MECOM: variants seen among roughly 807,000 people sequenced by gnomAD.
The protein encoded by MECOM is MDS1 and EVI1 complex locus.
A neutral mutation model predicts 116.3 loss-of-function variants in MECOM; 13 were observed. The ratio of observed to expected loss-of-function variants is 0.11; its 90% confidence interval spans 0.07 to 0.18. The LOEUF (loss-of-function observed/expected upper bound fraction) is 0.18, where lower values mean the gene tolerates loss of function less well. Ranked by LOEUF, MECOM falls within the 10% of genes least tolerant of loss-of-function variation. The probability of loss-of-function intolerance (pLI) is 1.00; values close to 1 mark genes in which losing one functional copy is unlikely to be tolerated. For missense variants in MECOM, 1,299 were observed against 1,509.0 expected, an observed-to-expected ratio of 0.86 and a Z score of 2.31; for synonymous variants, 528 against 535.2, an observed-to-expected ratio of 0.99 and a Z score of 0.19.
chr3:169,405,245 C>T (rs1479226312), intron 1 of MECOM, among the ~76,000 whole-genome samples: 1 of 152,050 alleles, frequency 6.6e-6, no homozygotes, highest in Admixed American at 6.6e-5. Flanking sequence ...TTCCCTCCCT[C>T]CTTCTCTCTC....
At chr3:169,103,251 A>G (rs554861496) in intron 10 of MECOM, among the ~76,000 whole-genome samples, 1 of 151,932 alleles carries the variant, frequency 6.6e-6, no homozygotes, top group African/African-American at 2.4e-5. Flanking sequence ...TTATAGGCAT[A>G]AGCTACTGTG....
At chr3:169,107,806 C>CCATA (rs1725921634) in intron 10 of MECOM, 120 bp downstream of exon 10, 1 of 751,044 alleles carries the variant, frequency 1.3e-6, no homozygotes, top group East Asian at 2.7e-5. Flanking sequence ...TCTGCTGGAA[C>CCATA]CATATCACGT....
intron 2 of MECOM, among the ~76,000 whole-genome samples, chr3:169,305,105 TA>T (rs1717424921): frequency 6.6e-6 from 1 of 152,204 alleles, no homozygotes; most frequent in African/African-American, 2.4e-5. Flanking sequence ...CAATAAATAT[TA>T]ATAGAATTAG....
chr3:169,588,680 C>A (rs1171347583), intron 1 of MECOM, among the ~76,000 whole-genome samples: 1 of 151,956 alleles, frequency 6.6e-6, no homozygotes, highest in Non-Finnish European at 1.5e-5. Flanking sequence ...CTTCTTTTCC[C>A]GTGTTTTAAT....
chr3:169,475,362 GTTTT>G (rs1750187355), intron 1 of MECOM, among the ~76,000 whole-genome samples: 1 of 152,054 alleles, frequency 6.6e-6, no homozygotes, highest in Non-Finnish European at 1.5e-5. Flanking sequence ...CGGTTGAAGT[GTTTT>G]TTTAAGTTAT....
At chr3:169,430,467 C>T (rs1741433238) in intron 1 of MECOM, among the ~76,000 whole-genome samples, 1 of 151,790 alleles carries the variant, frequency 6.6e-6, no homozygotes, top group Non-Finnish European at 1.5e-5. Flanking sequence ...ATTTTTTAGG[C>T]CCTTGGAAAA....
chr3:169,309,231 CA>C (rs776870042), intron 2 of MECOM, among the ~76,000 whole-genome samples: 1 of 151,918 alleles, frequency 6.6e-6, no homozygotes, highest in Non-Finnish European at 1.5e-5. Context: ...ATTCTTTTGA[CA>C]AAAAAACCTA....
At chr3:169,140,980 A>G (rs1737929242) in intron 3 of MECOM, among the ~76,000 whole-genome samples, 1 of 152,116 alleles carries the variant, frequency 6.6e-6, no homozygotes, top group Non-Finnish European at 1.5e-5. Flanking sequence ...TTATAATCTT[A>G]GCAAGCACAT....
chr3:169,474,704 A>G (rs912016986), intron 1 of MECOM, among the ~76,000 whole-genome samples: 3 of 152,182 alleles, frequency 2.0e-5, no homozygotes, highest in Admixed American at 1.3e-4. Flanking sequence ...TGGAAGATAC[A>G]AAAACTCTGA....
intron 10 of MECOM, among the ~76,000 whole-genome samples, chr3:169,104,051 A>G (rs1315258395): frequency 2.6e-5 from 4 of 152,212 alleles, no homozygotes; most frequent in South Asian, 4.1e-4. Flanking sequence ...TCAGACGACA[A>G]ATGTGAACGC....
chr3:169,542,371 C>T (rs893766184), intron 1 of MECOM, among the ~76,000 whole-genome samples: 2 of 151,980 alleles, frequency 1.3e-5, no homozygotes, highest in African/African-American at 2.4e-5. Context: ...CGACTCCCCC[C>T]TCCGCCTATG....
chr3:169,413,478 G>T (rs1210247184), intron 1 of MECOM, among the ~76,000 whole-genome samples: 26 of 97,112 alleles, frequency 2.7e-4, no homozygotes, highest in East Asian at 2.1e-3. Context: ...TTTTTTTTTT[G>T]TTTTTTTTTT....
intron 2 of MECOM, among the ~76,000 whole-genome samples, chr3:169,264,640 A>G (rs2149627845): frequency 6.6e-6 from 1 of 152,324 alleles, no homozygotes; most frequent in African/African-American, 2.4e-5. Flanking sequence ...TACCTAGGAA[A>G]TAAATAATCA....
chr3:169,097,499 C>G (rs1721998223), intron 12 of MECOM, among the ~76,000 whole-genome samples: 1 of 152,022 alleles, frequency 6.6e-6, no homozygotes, highest in Non-Finnish European at 1.5e-5. Flanking sequence ...GTCAGACGAG[C>G]CTTTGAGATC....
chr3:169,548,075 T>G lies in MECOM; in HGVS notation c.37+115261A>C, dbSNP rs554478624. On this transcript the variant is annotated intron_variant, in intron 1 of 16. Coordinates refer to ENST00000651503, the MANE Select transcript of MECOM (RefSeq NM_004991.4). ...CCCAATTTCATTATCTTTTCCCCTT[T>G]CAGAAAAAATAAAATATATCGCTTA... is the stretch of plus-strand genomic sequence containing the variant. Among the ~76,000 whole-genome samples, 6 of 152,200 alleles carry G rather than the reference T, an allele frequency of 3.9e-5. 1 individual carries two copies. Among genetic ancestry groups the G allele is most frequent in the Middle Eastern group, 3.4e-3 (1 of 292 alleles).
intron 1 of MECOM, among the ~76,000 whole-genome samples, chr3:169,636,661 TA>T (rs1357808269): frequency 1.3e-4 from 20 of 152,200 alleles, no homozygotes; most frequent in African/African-American, 4.8e-4. Context: ...AGTTGACCAT[TA>T]TATCAGGTGA....
chr3:169,249,048 A>G (rs1755933932), intron 2 of MECOM, among the ~76,000 whole-genome samples: 1 of 152,182 alleles, frequency 6.6e-6, no homozygotes, highest in African/African-American at 2.4e-5. Context: ...CCTACCTTCC[A>G]GCATACTCTA....
rs530130480 is a variant in MECOM, at chr3:169,245,566, C to A, written c.376-101734G>T. Among the ~76,000 whole-genome samples the A allele has an allele frequency of 2.6e-5, 4 of 152,142 alleles. No individual in the cohort carries two copies. The East Asian group carries it at 7.7e-4, about 29-fold the overall frequency. On this transcript the variant is annotated intron_variant, in intron 2 of 16. Coordinates refer to ENST00000651503, the MANE Select transcript of MECOM (RefSeq NM_004991.4). ...GAACTAATAATTTTTTTAAAAAATT[C>A]ATCAGATTCAAACAATTTCTACAAC...
chr3:169,468,719 C>T (rs1748708618), intron 1 of MECOM, among the ~76,000 whole-genome samples: 1 of 152,184 alleles, frequency 6.6e-6, no homozygotes, highest in South Asian at 2.1e-4. Context: ...ATCATTAATG[C>T]ATAATGGTAG....
Sources: gnomAD v4.1 joint callset for allele counts (sites outside exome capture counted in the v4.1 genomes callset) on GRCh38, gnomAD v4.1.1 for gene constraint, MANE v1.5 for transcripts, NCBI Gene and HGNC (gene_info 2026-07-23, HGNC 2026-07-21) for gene names.